Variants in FRAS1 observed in about 807,000 individuals in gnomAD.
FRAS1 encodes the protein extracellular matrix organizing protein FRAS1.
A neutral mutation model predicts 435.2 loss-of-function variants in FRAS1; 290 were observed. That is an observed-to-expected ratio of 0.67 (90% CI 0.61 to 0.73). The LOEUF is 0.73. FRAS1 is among the 30% of genes least tolerant of loss of function. FRAS1 has a pLI of 0.00. For missense variants in FRAS1, 4,860 were observed against 5,001.5 expected (o/e 0.97, Z 0.85); for synonymous variants, 1,800 against 1,851.0 (o/e 0.97, Z 0.71).
In FRAS1 at chr4:78,187,252, G is replaced by A. The variant is rs116754792; in HGVS notation, c.109-50258G>A. On this transcript the variant is annotated intron_variant, in intron 2 of 73. Transcript: ENST00000512123. ...ATGTTTTAGAAGAGGCACCCATGGA[G>A]TGATGAAAGGGGAGAGGGCCCTTAG... Among the ~76,000 whole-genome samples the A allele has an allele frequency of 3.4e-3, 511 of 152,314 alleles. 5 individuals carry two copies. Among genetic ancestry groups the A allele is most frequent in the African/African-American group, 0.012 (496 of 41,566 alleles).
chr4:78,133,238 A>G (rs919510634), intron 2 of FRAS1, among the ~76,000 whole-genome samples: 3 of 152,214 alleles, frequency 2.0e-5, no homozygotes, highest in Non-Finnish European at 4.4e-5. Flanking sequence ...ACTGGAGGTC[A>G]TTATGCGGTG....
chr4:78,104,455 C>A (rs1348662814), intron 2 of FRAS1, among the ~76,000 whole-genome samples: 2 of 152,172 alleles, frequency 1.3e-5, no homozygotes, highest in African/African-American at 4.8e-5. Context: ...ACTACTGGGG[C>A]ACATACACTG....
chr4:78,170,242 A>G (rs537033771), intron 2 of FRAS1, among the ~76,000 whole-genome samples: 2 of 152,132 alleles, frequency 1.3e-5, no homozygotes, highest in East Asian at 1.9e-4. Context: ...TTCTCCCCCT[A>G]TGTTAAAGGC....
At chr4:78,240,791 T>C (rs2867011) in intron 3 of FRAS1, among the ~76,000 whole-genome samples, 48,865 of 151,934 alleles carry the variant, frequency 0.32, 7,979 homozygotes, top group South Asian at 0.52. Flanking sequence ...AGCACAGTCA[T>C]TTAAGGGGAG....
chr4:78,065,519 A>C (rs1439805055), intron 1 of FRAS1, among the ~76,000 whole-genome samples: 1 of 152,074 alleles, frequency 6.6e-6, no homozygotes, highest in Non-Finnish European at 1.5e-5. Flanking sequence ...TGACTAGACA[A>C]AGTACATCTC....
Position 78,267,929 on chromosome 4 carries a change from G to A in FRAS1, c.981+497G>A, listed in dbSNP as rs145871360. Among the ~76,000 whole-genome samples, 329 of 152,320 alleles carry A rather than the reference G, an allele frequency of 2.2e-3. 2 individuals carry two copies. Among genetic ancestry groups the A allele is most frequent in the African/African-American group, 7.8e-3 (324 of 41,568 alleles). On this transcript the variant is annotated intron_variant, in intron 9 of 73. Transcript: ENST00000512123. ...CTTTTTGTTTTTAAGAGAGAGCAAA[G>A]GGGACCTTATAAACAATTAACTCCA...
intron 3 of FRAS1, among the ~76,000 whole-genome samples, chr4:78,239,739 G>A (rs886748983): frequency 1.3e-5 from 2 of 152,138 alleles, no homozygotes; most frequent in Non-Finnish European, 2.9e-5. Flanking sequence ...AGAGGGAACA[G>A]CAAAGTGCAA....
rs77703360 is a variant in FRAS1, at chr4:78,454,625, T to A, written c.6763+2271T>A. Among the ~76,000 whole-genome samples, 1,176 of 152,242 alleles carry A rather than the reference T, an allele frequency of 7.7e-3. 8 individuals are homozygous for A. The highest frequency in any genetic ancestry group is 0.024 in the Middle Eastern group (7 of 294). ...ATTCTGTGAGGCTGCTGATTGTATCTCTCCAAAGATGAAAGGGCAGACTTG... is the reference window on the plus strand; with the variant it reads ...ATTCTGTGAGGCTGCTGATTGTATCACTCCAAAGATGAAAGGGCAGACTTG... On this transcript the variant is annotated intron_variant, in intron 47 of 73. Coordinates refer to ENST00000512123, the MANE Select transcript of FRAS1 (RefSeq NM_025074.7).
At chr4:78,153,962 A>C (rs1013625256) in intron 2 of FRAS1, among the ~76,000 whole-genome samples, 1 of 151,916 alleles carries the variant, frequency 6.6e-6, no homozygotes, top group Non-Finnish European at 1.5e-5. Flanking sequence ...TTACTCTACA[A>C]TTTTTTTCAG....
intron 2 of FRAS1, among the ~76,000 whole-genome samples, chr4:78,160,039 T>G (rs1236707352): frequency 6.6e-6 from 1 of 152,220 alleles, no homozygotes; most frequent in Non-Finnish European, 1.5e-5. Flanking sequence ...TTATCCGTGC[T>G]ACAAGTCAGA....
At position 78,477,860 on chromosome 4, in the gene FRAS1, A is replaced by G. The variant is rs1037918092; in HGVS notation, c.7897A>G (p.Ile2633Val). 2 of 1,613,492 alleles carry G rather than the reference A, an allele frequency of 1.2e-6. No homozygotes were observed. The highest frequency in any genetic ancestry group is 1.7e-6 in the Non-Finnish European group (2 of 1,179,774). ...REDTKSCTIVINDDDVFENVE... is the reference protein window; with the variant it reads ...REDTKSCTIVVNDDDVFENVE... Reference sequence around the variant, plus strand: ...GGACACCAAGTCCTGCACCATTGTCATCAACGATGATGACGTGTTTGAAAA... The same window carrying G: ...GGACACCAAGTCCTGCACCATTGTCGTCAACGATGATGACGTGTTTGAAAA... Residue 2633 changes from isoleucine (I) to valine (V), a missense_variant, in exon 55 of 74, where the codon ATC becomes GTC. Coordinates refer to ENST00000512123, the MANE Select transcript of FRAS1 (RefSeq NM_025074.7).
intron 3 of FRAS1, among the ~76,000 whole-genome samples, chr4:78,242,008 G>A (rs1869646): frequency 0.27 from 40,818 of 151,994 alleles, 5,827 homozygotes; most frequent in South Asian, 0.5. Flanking sequence ...CTCTAAGGAA[G>A]GAGGTTCCTT....
intron 58 of FRAS1, among the ~76,000 whole-genome samples, chr4:78,483,577 T>C (rs1720075939): frequency 6.6e-6 from 1 of 151,958 alleles, no homozygotes; most frequent in African/African-American, 2.4e-5. Context: ...GGATAATCTT[T>C]GATGTTTTTA....
Position 78,520,691 on chromosome 4 carries a change from T to A in FRAS1, c.10541-832T>A, listed in dbSNP as rs1015759304. Among the ~76,000 whole-genome samples the A allele has an allele frequency of 3.9e-5, 6 of 152,326 alleles. No individual in the cohort carries two copies. In the South Asian group the frequency reaches 6.2e-4, roughly 16 times the overall value. On this transcript the variant is annotated intron_variant, in intron 67 of 73. Transcript: ENST00000512123. ...TGTTTAGGAAATAATGACAAAAAAA[T>A]CTATATGTTTAGTGCAGATGCATTT...
chr4:78,195,601 A>G (rs961660254), intron 2 of FRAS1, among the ~76,000 whole-genome samples: 5 of 152,136 alleles, frequency 3.3e-5, no homozygotes, highest in African/African-American at 1.2e-4. Context: ...CTGGTGTGCC[A>G]TTTGCTATGA....
Position 78,118,893 on chromosome 4 carries a change from C to T in FRAS1, c.108+52877C>T, listed in dbSNP as rs147087900. Among the ~76,000 whole-genome samples the T allele has an allele frequency of 5.8e-4, 89 of 152,310 alleles. 3 individuals are homozygous for T. The highest frequency in any genetic ancestry group is 2.0e-3 in the African/African-American group (85 of 41,580). Reference sequence around the variant, plus strand: ...ACCTCAGTTGGAAATGCAGAAATCACCCGTCTTCTGCATCACTCACGCTGG... The same window carrying T: ...ACCTCAGTTGGAAATGCAGAAATCATCCGTCTTCTGCATCACTCACGCTGG... On this transcript the variant is annotated intron_variant, in intron 2 of 73. Coordinates refer to ENST00000512123, the MANE Select transcript of FRAS1 (RefSeq NM_025074.7).
At chr4:78,394,291 C>T (rs979525910) in intron 29 of FRAS1, among the ~76,000 whole-genome samples, 3 of 151,934 alleles carry the variant, frequency 2.0e-5, no homozygotes, top group East Asian at 1.9e-4. Flanking sequence ...GTTGCCAAGA[C>T]CTATATCAAG....
At chr4:78,228,272 G>A (rs1394646736) in intron 2 of FRAS1, among the ~76,000 whole-genome samples, 1 of 152,182 alleles carries the variant, frequency 6.6e-6, no homozygotes, top group Non-Finnish European at 1.5e-5. Flanking sequence ...CTACAGTAAA[G>A]TCTCCCTAAT....
At chr4:78,322,855 A>C (rs974519550) in intron 18 of FRAS1, among the ~76,000 whole-genome samples, 1 of 152,202 alleles carries the variant, frequency 6.6e-6, no homozygotes. Context: ...AGGCACTGTG[A>C]ATATACTAGC....
Sources: gnomAD v4.1 joint callset for allele counts (sites outside exome capture counted in the v4.1 genomes callset) on GRCh38, gnomAD v4.1.1 for gene constraint, MANE v1.5 for transcripts, NCBI Gene and HGNC (gene_info 2026-07-23, HGNC 2026-07-21) for gene names.